Variants in ZNF736 observed in about 807,000 individuals in gnomAD.
ZNF736 encodes KRAB-containing zinc-finger repressor protein.
Under a neutral mutation model 11.7 loss-of-function variants are expected in ZNF736, and 6 were observed. The ratio of observed to expected loss-of-function variants is 0.51; its 90% CI spans 0.28 to 1.01. ZNF736 has a LOEUF of 1.01. ZNF736 is among the 50% of genes least tolerant of loss of function. ZNF736 has a pLI of 0.09. For synonymous variants in ZNF736, 139 were observed against 164.7 expected (o/e 0.84, Z 1.19); for missense variants, 444 against 496.0 (o/e 0.90, Z 1.00).
At chr7:64,321,130 T>C (rs1375874294) in intron 1 of ZNF736, among the ~76,000 whole-genome samples, 1 of 152,070 alleles carries the variant, frequency 6.6e-6, no homozygotes, top group Non-Finnish European at 1.5e-5. Flanking sequence ...CACCCAAGAG[T>C]TGCTGATTAT....
Position 64,348,447 on chromosome 7 carries a change from A to G in ZNF736, c.584A>G (p.His195Arg). The G allele has an allele frequency of 3.2e-6, 5 of 1,549,444 alleles. No homozygotes were observed. The highest frequency in any genetic ancestry group is 3.5e-6 in the Non-Finnish European group (4 of 1,146,422). ...GATTTTACTAGACATAAGAAAATTC[A>G]TACTGTAGAGAGATGCTACAAATGT... ...FSDFTRHKKIHTVERCYKCEE... is the reference protein window; with the variant it reads ...FSDFTRHKKIRTVERCYKCEE... Residue 195 changes from histidine to arginine, a missense_variant, in exon 4 of 4, where the codon CAT (histidine) becomes CGT (arginine). Transcript: ENST00000423484.
In ZNF736 at chr7:64,354,694, C is replaced by T. The variant is rs1230529167; in HGVS notation, c.*5547C>T. On this transcript the variant is annotated 3_prime_UTR_variant, in exon 4 of 4. Transcript: ENST00000423484. Reference sequence around the variant, plus strand: ...AATGGTGTTCACAAAATAATTTTCACGTGAGTAATTTCACAGTGCGTGTAT... The same window carrying T: ...AATGGTGTTCACAAAATAATTTTCATGTGAGTAATTTCACAGTGCGTGTAT... 2.0e-5 allele frequency: 3 copies of T among 152,074 alleles called. No individual in the cohort carries two copies. The highest frequency in any genetic ancestry group is 2.4e-5 in the African/African-American group (1 of 41,406). 9.4% of individuals were successfully genotyped at this position (152,074 alleles called of 1,614,324 possible).
chr7:64,348,452 G>GT lies in ZNF736; in HGVS notation c.590dup (p.Glu198ArgfsTer7), dbSNP rs1789441128. On this transcript the variant is annotated frameshift_variant, in exon 4 of 4. Transcript: ENST00000423484. LOFTEE classifies it low-confidence loss of function (END_TRUNC). The stretch of plus-strand genomic sequence containing the variant: ...TACTAGACATAAGAAAATTCATACT[G>GT]TAGAGAGATGCTACAAATGTGAAGA... 1.9e-6 allele frequency: 3 copies of GT among 1,546,432 alleles called. No individual in the cohort carries two copies. The African/African-American group carries it at 4.1e-5, about 21-fold the overall frequency.
intron 1 of ZNF736, among the ~76,000 whole-genome samples, chr7:64,317,973 AGTT>A (rs1788940243): frequency 6.6e-6 from 1 of 151,896 alleles, no homozygotes; most frequent in Non-Finnish European, 1.5e-5. Context: ...GTGTATGTAA[AGTT>A]GTTTCTCTCC....
At chr7:64,339,532 AAGAGACTATATTT>A in intron 3 of ZNF736, among the ~76,000 whole-genome samples, 1 of 152,102 alleles carries the variant, frequency 6.6e-6, no homozygotes. Context: ...CCAAGTGTGG[AAGAGACTATATTT>A]TCTGCATTAT....
intron 3 of ZNF736, among the ~76,000 whole-genome samples, chr7:64,347,426 A>G (rs1472364141): frequency 6.6e-6 from 1 of 151,688 alleles, no homozygotes; most frequent in Non-Finnish European, 1.5e-5. Flanking sequence ...AGGTTTCACC[A>G]TGTTGGCCTG....
chr7:64,326,139 T>C (rs1183019339), intron 1 of ZNF736, among the ~76,000 whole-genome samples: 1 of 152,248 alleles, frequency 6.6e-6, no homozygotes, highest in Non-Finnish European at 1.5e-5. Flanking sequence ...TGTACCATTT[T>C]AGAGTGTCTC....
chr7:64,329,353 A>T (rs1435999364), intron 1 of ZNF736, among the ~76,000 whole-genome samples: 2 of 152,052 alleles, frequency 1.3e-5, no homozygotes, highest in Non-Finnish European at 2.9e-5. Flanking sequence ...TATTTATTTT[A>T]GTTTTTGCAT....
At chr7:64,347,320 G>A (rs1789425794) in intron 3 of ZNF736, among the ~76,000 whole-genome samples, 1 of 144,412 alleles carries the variant, frequency 6.9e-6, no homozygotes, top group Non-Finnish European at 1.5e-5. Context: ...CTGAGTTCAA[G>A]CGATTCTCCT....
rs1789453844 is a variant in ZNF736 at position 64,349,158 on chromosome 7, A to G, written c.*11A>G. Reference sequence around the variant, plus strand: ...CTCCACAAGTGTTAAAAATGTGGAAAAGCCTTTACCAAGTCCTCATACTGT... The same window carrying G: ...CTCCACAAGTGTTAAAAATGTGGAAGAGCCTTTACCAAGTCCTCATACTGT... On this transcript the variant is annotated 3_prime_UTR_variant, in exon 4 of 4. Transcript: ENST00000423484. 2.7e-6 allele frequency: 4 copies of G among 1,506,794 alleles called. No homozygotes were observed. In the East Asian group the frequency reaches 9.8e-5, roughly 37 times the overall value. 93.3% of individuals were successfully genotyped at this position (1,506,794 alleles called of 1,614,324 possible).
At chr7:64,344,465 G>A (rs562249756) in intron 3 of ZNF736, among the ~76,000 whole-genome samples, 12 of 152,096 alleles carry the variant, frequency 7.9e-5, no homozygotes, top group Non-Finnish European at 1.6e-4. Flanking sequence ...CCCATTGTCT[G>A]GCCCTTTACA....
At chr7:64,337,817 C>A (rs570329829) in intron 3 of ZNF736, among the ~76,000 whole-genome samples, 1 of 144,944 alleles carries the variant, frequency 6.9e-6, no homozygotes, top group African/African-American at 2.6e-5. Context: ...TGCAATGGCA[C>A]GATCTCGGCT....
rs1789471411 is a variant in ZNF736, at chr7:64,350,505, GA to G, written c.*1360del. 6.6e-6 allele frequency: 1 copy of G among 152,084 alleles called. No homozygotes were observed. 9.4% of individuals were successfully genotyped at this position (152,084 alleles called of 1,614,324 possible). On this transcript the variant is annotated 3_prime_UTR_variant, in exon 4 of 4. Transcript: ENST00000423484. ...TTGCAAATTACTTTTGTAACTCAGT[GA>G]AGTTTGTTTCTACCCATATTCTGAA...
intron 1 of ZNF736, among the ~76,000 whole-genome samples, chr7:64,319,509 T>TGAGACAGAGTCTTGCTCTG: frequency 7.5e-6 from 1 of 133,510 alleles, no homozygotes; most frequent in African/African-American, 2.7e-5. Context: ...TTTTTTTTTT[T>TGAGACAGAGTCTTGCTCTG]TTTTGAGACA....
intron 1 of ZNF736, among the ~76,000 whole-genome samples, chr7:64,314,817 C>T (rs1202990101): frequency 6.6e-6 from 1 of 152,222 alleles, no homozygotes; most frequent in Non-Finnish European, 1.5e-5. Flanking sequence ...AGGTGATCCG[C>T]CCGCCTCGGG....
At chr7:64,327,097 T>C (rs1334150394) in intron 1 of ZNF736, among the ~76,000 whole-genome samples, 1 of 152,190 alleles carries the variant, frequency 6.6e-6, no homozygotes, top group Non-Finnish European at 1.5e-5. Flanking sequence ...CAATGTTTAT[T>C]TGTTGATTTT....
intron 3 of ZNF736, among the ~76,000 whole-genome samples, chr7:64,337,755 GGTTTTTTTTT>G (rs1789277678): frequency 1.2e-5 from 1 of 86,256 alleles, no homozygotes; most frequent in Non-Finnish European, 2.0e-5. Context: ...TGTTTTTTTT[GGTTTTTTTTT>G]TTTTTTGAGA....
chr7:64,343,573 TAAAC>T (rs1346557973), intron 3 of ZNF736, among the ~76,000 whole-genome samples: 1 of 152,206 alleles, frequency 6.6e-6, no homozygotes, highest in Non-Finnish European at 1.5e-5. Flanking sequence ...AAGTTGAAAT[TAAAC>T]AAAAATACCA....
chr7:64,325,019 T>C (rs1345989018), intron 1 of ZNF736, among the ~76,000 whole-genome samples: 1 of 152,190 alleles, frequency 6.6e-6, no homozygotes, highest in Non-Finnish European at 1.5e-5. Context: ...GTGTTGTCAA[T>C]GGCCGAAGTG....
Sources: allele counts gnomAD v4.1 joint callset (sites outside exome capture counted in the v4.1 genomes callset), GRCh38; gene constraint gnomAD v4.1.1; transcripts MANE v1.5; gene names NCBI Gene and HGNC (gene_info 2026-07-23, HGNC 2026-07-21).